The following GRIK2 variants were observed in gnomAD, a reference collection of about 807,000 sequenced individuals.
The protein encoded by GRIK2 is glutamate ionotropic receptor kainate type subunit 2.
Under a neutral mutation model 100.3 loss-of-function variants are expected in GRIK2, and 32 were observed. The ratio of observed to expected loss-of-function variants is 0.32; its 90% CI spans 0.24 to 0.43. The LOEUF is 0.43. Ranked by LOEUF, GRIK2 falls within the 20% of genes least tolerant of loss-of-function variation. GRIK2 has a pLI of 1.00. For missense variants in GRIK2, 843 were observed against 1,114.9 expected (o/e 0.76, Z 3.47); for synonymous variants, 417 against 389.4 (o/e 1.07, Z -0.83).
At chr6:101,452,199 C>T (rs372985022) in intron 2 of GRIK2, among the ~76,000 whole-genome samples, 1 of 151,750 alleles carries the variant, frequency 6.6e-6, no homozygotes, top group South Asian at 2.1e-4. Flanking sequence ...TAAACACTTT[C>T]TTCAAGAAAC....
Position 101,622,058 on chromosome 6 carries a change from C to G in GRIK2, c.225C>G (p.Thr75=). Residue 75 remains threonine, a synonymous_variant, in exon 3 of 17, where the codon ACC becomes ACG. Transcript: ENST00000369134. The stretch of plus-strand genomic sequence containing the variant: ...ACAGAACATTGCTACCCAATACTAC[C>G]CTTACCTATGATACCCAGAAGATAA... ...NRNRTLLPNT[T]LTYDTQKINL... is the part of the protein sequence containing the mutation. The G allele has an allele frequency of 1.9e-6, 3 of 1,601,976 alleles. No homozygotes were observed. Among genetic ancestry groups the G allele is most frequent in the Non-Finnish European group, 2.6e-6 (3 of 1,169,212 alleles).
intron 14 of GRIK2, among the ~76,000 whole-genome samples, chr6:102,021,368 T>TATCTG (rs1659639346): frequency 6.6e-6 from 1 of 151,560 alleles, no homozygotes; most frequent in Admixed American, 6.6e-5. Context: ...ATTTTTAGTT[T>TATCTG]ATCTGATAAT....
chr6:102,043,563 C>T (rs1445891397), intron 15 of GRIK2, among the ~76,000 whole-genome samples: 1 of 151,852 alleles, frequency 6.6e-6, no homozygotes, highest in Non-Finnish European at 1.5e-5. Flanking sequence ...CTTGTTTCAT[C>T]TAGGTTGTCG....
intron 15 of GRIK2, among the ~76,000 whole-genome samples, chr6:102,043,553 CTT>C (rs994439440): frequency 6.6e-6 from 1 of 151,842 alleles, no homozygotes; most frequent in African/African-American, 2.4e-5. Context: ...ATAATATTCT[CTT>C]GTTTCATCTA....
intron 7 of GRIK2, among the ~76,000 whole-genome samples, chr6:101,705,591 A>G (rs1427389789): frequency 6.6e-6 from 1 of 151,844 alleles, no homozygotes; most frequent in African/African-American, 2.4e-5. Flanking sequence ...ATGTACATGT[A>G]CATGTGGTGG....
chr6:101,894,600 T>C (rs1032777668), intron 12 of GRIK2, among the ~76,000 whole-genome samples: 2 of 151,708 alleles, frequency 1.3e-5, no homozygotes, highest in African/African-American at 4.8e-5. Context: ...CCTAGGCATA[T>C]GATTATAGAG....
chr6:101,794,195 C>T (rs1242413740), intron 7 of GRIK2, among the ~76,000 whole-genome samples: 4 of 152,254 alleles, frequency 2.6e-5, no homozygotes, highest in Admixed American at 6.5e-5. Context: ...TGCTTCGGCT[C>T]GCGCACAGTG....
chr6:101,882,533 G>A (rs1477103945), intron 11 of GRIK2, among the ~76,000 whole-genome samples: 1 of 151,922 alleles, frequency 6.6e-6, no homozygotes, highest in Non-Finnish European at 1.5e-5. Flanking sequence ...CAAGAAGGAG[G>A]TGCTGAAGCA....
intron 12 of GRIK2, among the ~76,000 whole-genome samples, chr6:101,903,408 C>T (rs888749437): frequency 6.6e-6 from 1 of 151,706 alleles, no homozygotes; most frequent in Non-Finnish European, 1.5e-5. Flanking sequence ...TTTTCTTTTT[C>T]CTTCATTGTC....
intron 9 of GRIK2, among the ~76,000 whole-genome samples, chr6:101,802,896 C>G (rs779007798): frequency 1.1e-4 from 17 of 151,750 alleles, no homozygotes; most frequent in Non-Finnish European, 1.6e-4. Context: ...TGCACAGTAA[C>G]TAGGGTATAT....
chr6:101,541,298 T>C (rs1229404124), intron 2 of GRIK2, among the ~76,000 whole-genome samples: 6 of 151,382 alleles, frequency 4.0e-5, no homozygotes, highest in Non-Finnish European at 7.4e-5. Flanking sequence ...GAGAGTGTTA[T>C]ATCGAAGATG....
chr6:101,783,167 A>C (rs1172791544), intron 7 of GRIK2, among the ~76,000 whole-genome samples: 1 of 151,986 alleles, frequency 6.6e-6, no homozygotes, highest in Non-Finnish European at 1.5e-5. Flanking sequence ...CTCAAATCTC[A>C]TTTTGAATTT....
At chr6:101,901,485 TATA>T (rs149714179) in intron 12 of GRIK2, among the ~76,000 whole-genome samples, 2 of 151,736 alleles carry the variant, frequency 1.3e-5, no homozygotes, top group African/African-American at 4.8e-5. Context: ...AATAGATGAT[TATA>T]ATAATTTGTA....
rs1775132861 is a variant in GRIK2, at chr6:101,399,014, G to A, written c.-264G>A. On this transcript the variant is annotated 5_prime_UTR_variant, in exon 2 of 17. The change creates a new upstream start codon in the 5' untranslated region. Coordinates refer to ENST00000369134, the MANE Select transcript of GRIK2 (RefSeq NM_021956.5). ...GCGCGGCCGGACATTGTGGGTGTGC[G>A]TGCTGGATTTCTCCCGGATGCTCTC... The A allele has an allele frequency of 9.2e-6, 4 of 436,828 alleles. No individual in the cohort carries two copies. Among genetic ancestry groups the A allele is most frequent in the Non-Finnish European group, 4.0e-6 (1 of 247,568 alleles). 27.1% of individuals were successfully genotyped at this position (436,828 alleles called of 1,614,324 possible). A position where few individuals can be genotyped will look rare whatever the true frequency, so the allele number is the denominator to read the frequency against.
At position 101,642,791 on chromosome 6, in the gene GRIK2, G is replaced by A. The variant is rs551890614; in HGVS notation, c.541+16154G>A. 4.0e-5 allele frequency among the ~76,000 whole-genome samples: 6 copies of A among 151,650 alleles called. No individual in the cohort carries two copies. In the East Asian group the frequency reaches 1.2e-3, roughly 29 times the overall value. The stretch of plus-strand genomic sequence containing the variant: ...CTGGATCATATATTACTTCTCTGTT[G>A]AACTTTTTGAGGAACCATCATACTG... On this transcript the variant is annotated intron_variant, in intron 4 of 16. Coordinates refer to ENST00000369134, the MANE Select transcript of GRIK2 (RefSeq NM_021956.5).
chr6:101,421,660 G>GTT (rs35390245), intron 2 of GRIK2, among the ~76,000 whole-genome samples: 3,992 of 151,858 alleles, frequency 0.026, 188 homozygotes, highest in African/African-American at 0.092. Flanking sequence ...AAGGAAAGCT[G>GTT]TTTTTTTTCT....
chr6:101,448,719 C>T (rs377291841), intron 2 of GRIK2, among the ~76,000 whole-genome samples: 233 of 151,524 alleles, frequency 1.5e-3, no homozygotes, highest in African/African-American at 5.5e-3. Flanking sequence ...CAGATATAGC[C>T]TGAGAGAAAG....
chr6:101,563,110 G>T (rs936855865), intron 2 of GRIK2, among the ~76,000 whole-genome samples: 2 of 152,088 alleles, frequency 1.3e-5, no homozygotes, highest in African/African-American at 4.8e-5. Context: ...TGCTCCTGAT[G>T]AAATAATATT....
intron 2 of GRIK2, among the ~76,000 whole-genome samples, chr6:101,589,941 C>A (rs1351142836): frequency 6.6e-6 from 1 of 151,938 alleles, no homozygotes; most frequent in African/African-American, 2.4e-5. Flanking sequence ...CTAATAATAA[C>A]CTGGATAAAA....
Sources: allele counts gnomAD v4.1 joint callset (sites outside exome capture counted in the v4.1 genomes callset), GRCh38; gene constraint gnomAD v4.1.1; transcripts MANE v1.5; gene names NCBI Gene and HGNC (gene_info 2026-07-23, HGNC 2026-07-21).